The following TMCO6 variants were observed in gnomAD, a reference collection of about 807,000 sequenced individuals.
TMCO6 encodes the protein transmembrane and coiled-coil domains 6, also known as transmembrane and coiled-coil domain-containing protein 6.
Under a neutral mutation model 61.8 loss-of-function variants are expected in TMCO6, and 47 were observed. That is an observed-to-expected ratio of 0.76 (90% CI 0.60 to 0.97). The LOEUF (loss-of-function observed/expected upper bound fraction) is 0.97. Ranked by LOEUF, TMCO6 falls within the 50% of genes least tolerant of loss-of-function variation. TMCO6 has a pLI of 0.00. For missense variants in TMCO6, 557 were observed against 601.6 expected (o/e 0.93, Z 0.78); for synonymous variants, 261 against 254.2 (o/e 1.03, Z -0.25).
the TMCO6 span, chr5:140,633,304 G>T: frequency 3.2e-6 from 2 of 624,710 alleles, no homozygotes; most frequent in Non-Finnish European, 5.7e-6. Context: ...TGGAAATATT[G>T]CAATGAAGGA....
chr5:140,632,019 T>C, the TMCO6 span: 2 of 1,614,080 alleles, frequency 1.2e-6, no homozygotes, highest in Admixed American at 1.7e-5. This position sits in a 1 kb window ranked among gnomAD's most constrained non-coding sequence, Gnocchi z 6.2. Context: ...TGTCAGGTTA[T>C]CCACCTCGGG....
chr5:140,600,573 C>T, the TMCO6 span, among the ~76,000 whole-genome samples: 10 of 151,542 alleles, frequency 6.6e-5, no homozygotes, highest in African/African-American at 2.4e-4. Flanking sequence ...TCAAGTGATT[C>T]TCCTGCCTCA....
At chr5:140,638,099 G>C (rs927441327), upstream of TMCO6, among the ~76,000 whole-genome samples, 2 of 152,102 alleles carry the variant, frequency 1.3e-5, no homozygotes, top group African/African-American at 4.8e-5. Flanking sequence ...TTTTACTTCT[G>C]CTCAGAGGGG....
the TMCO6 span, among the ~76,000 whole-genome samples, chr5:140,603,592 G>A: frequency 1.3e-5 from 2 of 152,170 alleles, no homozygotes; most frequent in Admixed American, 6.5e-5. Flanking sequence ...ACAAGTGTGA[G>A]CCACTGTGCC....
At chr5:140,647,484 T>G (rs1314846594), downstream of TMCO6, 1 of 1,612,108 alleles carries the variant, frequency 6.2e-7, no homozygotes, top group East Asian at 2.2e-5. Context: ...GCGCCTCACC[T>G]GACGCCCTGG....
intron 10 of TMCO6, 144 bp downstream of exon 10, chr5:140,644,338 C>A: frequency 1.0e-6 from 1 of 1,000,740 alleles, no homozygotes; most frequent in Non-Finnish European, 1.5e-6. Context: ...GGTGTGTGTC[C>A]CTTAAACTGG....
At chr5:140,618,862 A>G in the TMCO6 span, among the ~76,000 whole-genome samples, 1 of 152,222 alleles carries the variant, frequency 6.6e-6, no homozygotes. Flanking sequence ...ACTCAAAGCT[A>G]TAAAGTTCTT....
downstream of TMCO6, chr5:140,647,376 G>A (rs753137203): frequency 2.8e-5 from 45 of 1,611,094 alleles, 1 homozygote; most frequent in South Asian, 4.8e-4. Flanking sequence ...CGGGGCCGGA[G>A]AGAGCGCCGC....
At chr5:140,642,114 C>T in intron 4 of TMCO6, 61 bp downstream of exon 4, 2 of 1,561,380 alleles carry the variant, frequency 1.3e-6, no homozygotes, top group African/African-American at 1.4e-5. Flanking sequence ...GCTTTTGGGA[C>T]CAGTTTGAGC....
the TMCO6 span, chr5:140,632,041 G>C: frequency 1.2e-6 from 2 of 1,614,106 alleles, no homozygotes; most frequent in African/African-American, 1.3e-5. The surrounding 1 kb of genome is among the most constrained non-coding windows in gnomAD (Gnocchi z 6.2). Context: ...AGCTCGTCAG[G>C]CTGCGGCGCC....
the TMCO6 span, among the ~76,000 whole-genome samples, chr5:140,616,327 A>G: frequency 3.9e-5 from 6 of 151,972 alleles, no homozygotes; most frequent in Admixed American, 6.5e-5. Context: ...GCCAAGGCCA[A>G]TGCGGGAGGA....
At chr5:140,604,780 CTTTT>C in the TMCO6 span, among the ~76,000 whole-genome samples, 1 of 124,714 alleles carries the variant, frequency 8.0e-6, no homozygotes, top group African/African-American at 2.9e-5. Flanking sequence ...TGTCATTTCT[CTTTT>C]TTTTTTTTTT....
chr5:140,632,281 C>A, the TMCO6 span: 1 of 1,613,916 alleles, frequency 6.2e-7, no homozygotes, highest in Non-Finnish European at 8.5e-7. The surrounding 1 kb of genome is among the most constrained non-coding windows in gnomAD (Gnocchi z 6.2). Context: ...GTGGGCGTCT[C>A]CATTCCTGTG....
the TMCO6 span, chr5:140,633,195 G>C: frequency 8.3e-7 from 1 of 1,204,476 alleles, no homozygotes; most frequent in South Asian, 1.3e-5. Flanking sequence ...GGCTGCCTCT[G>C]ACAGTTTATG....
the TMCO6 span, among the ~76,000 whole-genome samples, chr5:140,628,589 C>A: frequency 6.6e-6 from 1 of 152,158 alleles, no homozygotes; most frequent in Non-Finnish European, 1.5e-5. Flanking sequence ...CAGGAGCACA[C>A]CACCACATCT....
chr5:140,621,438 A>G, the TMCO6 span, among the ~76,000 whole-genome samples: 3 of 152,202 alleles, frequency 2.0e-5, no homozygotes, highest in Admixed American at 2.0e-4. Flanking sequence ...TCCCCAGTCA[A>G]TACCCTTGTG....
At chr5:140,613,652 C>G in the TMCO6 span, among the ~76,000 whole-genome samples, 1 of 152,136 alleles carries the variant, frequency 6.6e-6, no homozygotes, top group African/African-American at 2.4e-5. Context: ...TTTCTCCTGT[C>G]TCACCAAGTT....
At position 140,643,408 on chromosome 5, in the gene TMCO6, G is replaced by A. The variant is rs539487279; in HGVS notation, c.807-156G>A. 8.4e-5 allele frequency: 62 copies of A among 735,290 alleles called. No homozygotes were observed. In the South Asian group the frequency reaches 9.9e-4, roughly 12 times the overall value. The allele number at this position is 735,290 out of a possible 1,614,324, so 45.5% of individuals were successfully genotyped here. On this transcript the variant is annotated intron_variant, in intron 7 of 11. Transcript: ENST00000394671. ...GACGGAGTTTCGCCATGTTGGCCAG[G>A]CTGGTCTCAAACTCCTGACCTCAGG...
At chr5:140,605,666 C>T in the TMCO6 span, among the ~76,000 whole-genome samples, 12 of 141,232 alleles carry the variant, frequency 8.5e-5, no homozygotes, top group East Asian at 1.3e-3. Flanking sequence ...GGTTACAGAG[C>T]GAGACTCTGT....
Sources: allele counts gnomAD v4.1 joint callset (sites outside exome capture counted in the v4.1 genomes callset), GRCh38; gene constraint gnomAD v4.1.1; non-coding constraint Gnocchi (gnomAD v3.1); transcripts MANE v1.5; gene names NCBI Gene and HGNC (gene_info 2026-07-23, HGNC 2026-07-21).